CTNNA3: variants seen among roughly 807,000 people sequenced by gnomAD.
CTNNA3 encodes catenin alpha-3.
Under a neutral mutation model 95.7 loss-of-function variants are expected in CTNNA3, and 76 were observed. The ratio of observed to expected loss-of-function variants is 0.79; its 90% CI spans 0.66 to 0.96. The LOEUF is 0.96. Ranked by LOEUF, CTNNA3 falls within the 40% of genes least tolerant of loss-of-function variation. The pLI, the probability that CTNNA3 is intolerant of heterozygous loss-of-function variation, is 0.00. For missense variants in CTNNA3, 1,191 were observed against 1,089.8 expected (o/e 1.09, Z -1.31); for synonymous variants, 431 against 374.4 (o/e 1.15, Z -1.74).
chr10:67,190,075 A>G (rs1236690924), intron 6 of CTNNA3, among the ~76,000 whole-genome samples: 2 of 152,186 alleles, frequency 1.3e-5, no homozygotes, highest in Non-Finnish European at 2.9e-5. Flanking sequence ...CCTAAAGGCT[A>G]TCTTCCAGAA....
chr10:66,205,395 A>T (rs1374555072), intron 13 of CTNNA3, among the ~76,000 whole-genome samples: 1 of 152,030 alleles, frequency 6.6e-6, no homozygotes, highest in Non-Finnish European at 1.5e-5. Context: ...AACTTGCTGT[A>T]CTATATTTTG....
At chr10:66,111,686 G>C (rs533128172) in intron 13 of CTNNA3, among the ~76,000 whole-genome samples, 1 of 152,286 alleles carries the variant, frequency 6.6e-6, no homozygotes, top group African/African-American at 2.4e-5. Context: ...TGAGTGGTTA[G>C]AGATGAAAAA....
At chr10:66,911,703 A>C (rs1370736670) in intron 7 of CTNNA3, among the ~76,000 whole-genome samples, 2 of 152,188 alleles carry the variant, frequency 1.3e-5, no homozygotes, top group African/African-American at 2.4e-5. Context: ...GAATTGGACA[A>C]AATAATCTCA....
intron 11 of CTNNA3, among the ~76,000 whole-genome samples, chr10:66,482,001 G>A (rs1839554648): frequency 6.6e-6 from 1 of 152,024 alleles, no homozygotes; most frequent in Non-Finnish European, 1.5e-5. Context: ...CAATAGGGAT[G>A]TTATTTTTCA....
chr10:67,721,361 A>AT (rs1011584114), intron 1 of CTNNA3, among the ~76,000 whole-genome samples: 40 of 147,676 alleles, frequency 2.7e-4, no homozygotes, highest in Middle Eastern at 3.5e-3. Flanking sequence ...ATTCCTTTTC[A>AT]TTTTTTTTTC....
In CTNNA3 at chr10:66,932,030, G is replaced by T. The variant is rs997121276; in HGVS notation, c.1048-156506C>A. ...ATGTCAAAGGTGTCAAAGGAGGGGGGCCTCCCCTTCCGGCTTTAGAACTCT... is the reference window on the plus strand; with the variant it reads ...ATGTCAAAGGTGTCAAAGGAGGGGGTCCTCCCCTTCCGGCTTTAGAACTCT... On this transcript the variant is annotated intron_variant, in intron 7 of 17. Transcript: ENST00000433211. Among the ~76,000 whole-genome samples, 14 of 152,246 alleles carry T rather than the reference G, an allele frequency of 9.2e-5. No homozygotes were observed. The South Asian group carries it at 2.5e-3, about 27-fold the overall frequency.
chr10:66,304,343 C>T (rs1470244246), intron 12 of CTNNA3, among the ~76,000 whole-genome samples: 3 of 152,128 alleles, frequency 2.0e-5, no homozygotes, highest in Non-Finnish European at 2.9e-5. Context: ...GGTATGACCT[C>T]GTAAATCTGA....
intron 5 of CTNNA3, among the ~76,000 whole-genome samples, chr10:67,381,162 C>G (rs1464691648): frequency 3.9e-5 from 6 of 152,214 alleles, no homozygotes; most frequent in Non-Finnish European, 4.4e-5. Context: ...ATCAATATTC[C>G]CATTTGCTAG....
intron 7 of CTNNA3, among the ~76,000 whole-genome samples, chr10:66,971,869 TC>T (rs1849742215): frequency 6.6e-6 from 1 of 152,042 alleles, no homozygotes; most frequent in Admixed American, 6.5e-5. Flanking sequence ...TGAGCCAAAA[TC>T]ATTTTTTTTC....
intron 15 of CTNNA3, among the ~76,000 whole-genome samples, chr10:66,068,327 T>A (rs988590832): frequency 6.6e-6 from 1 of 152,124 alleles, no homozygotes; most frequent in Admixed American, 6.6e-5. Context: ...TATCCAGTTA[T>A]CCATTTACAT....
At chr10:65,936,747 T>A (rs560660873) in intron 17 of CTNNA3, among the ~76,000 whole-genome samples, 4 of 152,200 alleles carry the variant, frequency 2.6e-5, no homozygotes, top group African/African-American at 9.6e-5. Flanking sequence ...ATTAAACAAG[T>A]GACCATGGAT....
At chr10:67,049,045 G>A (rs1055248122) in intron 7 of CTNNA3, among the ~76,000 whole-genome samples, 1 of 79,650 alleles carries the variant, frequency 1.3e-5, no homozygotes, top group African/African-American at 4.9e-5. Flanking sequence ...TTTTTTTTTT[G>A]TACTCTTCTT....
At chr10:67,158,608 CG>C (rs1239678055) in intron 7 of CTNNA3, among the ~76,000 whole-genome samples, 2 of 152,012 alleles carry the variant, frequency 1.3e-5, no homozygotes, top group Non-Finnish European at 2.9e-5. Flanking sequence ...CACATGTGCC[CG>C]CATAAGTGTA....
intron 17 of CTNNA3, among the ~76,000 whole-genome samples, chr10:65,935,410 A>G (rs2077321449): frequency 1.3e-5 from 2 of 152,060 alleles, no homozygotes; most frequent in Non-Finnish European, 2.9e-5. Flanking sequence ...CTCTTTTAAA[A>G]TATCTGGTTA....
At chr10:66,592,414 T>G in intron 10 of CTNNA3, among the ~76,000 whole-genome samples, 1 of 152,088 alleles carries the variant, frequency 6.6e-6, no homozygotes, top group South Asian at 2.1e-4. Flanking sequence ...CCAAAACCCT[T>G]TGTGTCAACC....
intron 7 of CTNNA3, among the ~76,000 whole-genome samples, chr10:67,128,595 C>T (rs1410213377): frequency 6.6e-6 from 1 of 152,044 alleles, no homozygotes; most frequent in East Asian, 1.9e-4. Flanking sequence ...ACAGCTTTAC[C>T]CCTTTGACAA....
intron 15 of CTNNA3, among the ~76,000 whole-genome samples, chr10:66,062,932 A>T (rs1407251227): frequency 6.6e-6 from 1 of 152,086 alleles, no homozygotes; most frequent in Non-Finnish European, 1.5e-5. Flanking sequence ...CTGATTTGTC[A>T]GAATCCTTTT....
chr10:66,080,363 A>T (rs1394981342), intron 14 of CTNNA3, among the ~76,000 whole-genome samples: 1 of 151,828 alleles, frequency 6.6e-6, no homozygotes, highest in African/African-American at 2.4e-5. Context: ...TTCCCTTCTT[A>T]CTCCATTATA....
intron 13 of CTNNA3, among the ~76,000 whole-genome samples, chr10:66,192,869 G>C (rs1321018440): frequency 6.6e-6 from 1 of 152,054 alleles, no homozygotes; most frequent in Non-Finnish European, 1.5e-5. Flanking sequence ...TGCTTGGTTT[G>C]TGTGACTACT....
Sources: allele counts gnomAD v4.1 joint callset (sites outside exome capture counted in the v4.1 genomes callset), GRCh38; gene constraint gnomAD v4.1.1; transcripts MANE v1.5; gene names NCBI Gene and HGNC (gene_info 2026-07-23, HGNC 2026-07-21).